Variants in SHROOM2 observed in about 807,000 individuals in gnomAD.
SHROOM2 encodes the protein shroom family member 2, also known as protein Shroom2.
In SHROOM2, 33 loss-of-function variants were observed where a neutral mutation model predicts 75.9. The ratio of observed to expected loss-of-function variants is 0.43; its 90% CI spans 0.33 to 0.58. SHROOM2 has a LOEUF of 0.58. SHROOM2 is among the 20% of genes least tolerant of loss of function. SHROOM2 has a pLI of 0.04. For missense variants in SHROOM2, 1,434 were observed against 1,461.2 expected, an observed-to-expected ratio of 0.98 and a Z score of 0.30; for synonymous variants, 655 against 663.6, an observed-to-expected ratio of 0.99 and a Z score of 0.20.
intron 1 of SHROOM2, among the ~76,000 whole-genome samples, chrX:9,823,333 C>A (rs1198785060): frequency 9.1e-6 from 1 of 109,372 alleles, no homozygotes; most frequent in Non-Finnish European, 1.9e-5. Context: ...GCCTTAAACT[C>A]CCAGGCTTAA....
chrX:9,848,510 CAAAAA>C (rs774991614), intron 1 of SHROOM2, among the ~76,000 whole-genome samples: 2 of 22,038 alleles, frequency 9.1e-5, no homozygotes, highest in Non-Finnish European at 1.7e-4. Flanking sequence ...GACTCCGTCT[CAAAAA>C]AAAAAAAAAA....
chrX:9,910,392 G>C (rs1046944496), intron 5 of SHROOM2, among the ~76,000 whole-genome samples: 8 of 111,307 alleles, frequency 7.2e-5, no homozygotes, highest in African/African-American at 2.3e-4. Flanking sequence ...CAATTTTTTA[G>C]TAAATCTAAA....
chrX:9,946,475 G>A (rs111352988), intron 9 of SHROOM2, among the ~76,000 whole-genome samples, 196 bp from the exon 10 acceptor site: 3 of 112,575 alleles, frequency 2.7e-5, no homozygotes, highest in South Asian at 7.2e-4. Flanking sequence ...AGGCTGGCCC[G>A]CTGCAACCAT....
intron 1 of SHROOM2, among the ~76,000 whole-genome samples, chrX:9,807,904 C>G (rs2083764123): frequency 2.7e-5 from 3 of 111,158 alleles, no homozygotes; most frequent in African/African-American, 6.5e-5. Context: ...AAGGGGAGGT[C>G]AGAGAGGGGC....
At chrX:9,917,478 G>A (rs768883497) in intron 5 of SHROOM2, among the ~76,000 whole-genome samples, 2 of 107,949 alleles carry the variant, frequency 1.9e-5, no homozygotes, top group African/African-American at 3.4e-5. Flanking sequence ...AGAGCTTCTC[G>A]GTCACCAGTT....
intron 1 of SHROOM2, among the ~76,000 whole-genome samples, chrX:9,848,226 C>T (rs1392635725): frequency 3.6e-5 from 4 of 111,011 alleles, no homozygotes; most frequent in Non-Finnish European, 1.9e-5. Context: ...AAAGCATGGC[C>T]GGGCGCGGTG....
intron 1 of SHROOM2, among the ~76,000 whole-genome samples, chrX:9,810,137 A>G (rs1052066131): frequency 8.9e-6 from 1 of 112,414 alleles, no homozygotes; most frequent in Non-Finnish European, 1.9e-5. Flanking sequence ...AGCTGGTCAC[A>G]TGGTTGTAGC....
intron 1 of SHROOM2, among the ~76,000 whole-genome samples, chrX:9,820,659 C>T (rs2083849015): frequency 8.9e-6 from 1 of 112,377 alleles, no homozygotes; most frequent in Non-Finnish European, 1.9e-5. Flanking sequence ...GCCACTGTAC[C>T]TGGCCTTCCT....
intron 1 of SHROOM2, among the ~76,000 whole-genome samples, chrX:9,831,377 A>C (rs187834092): frequency 0.014 from 1,581 of 112,146 alleles, 23 homozygotes; most frequent in African/African-American, 0.049. Flanking sequence ...AAGACCATAG[A>C]CCAGTTGACG....
At position 9,946,708 on chromosome X, in the gene SHROOM2, A is replaced by G; in HGVS notation, c.4622A>G (p.Gln1541Arg). 8.3e-7 allele frequency: 1 copy of G among 1,207,147 alleles called. No homozygotes were observed. The highest frequency in any genetic ancestry group is 1.1e-6 in the Non-Finnish European group (1 of 892,820). ...LLEKQRVLIQQHEDAKELKEN... is the reference protein window; with the variant it reads ...LLEKQRVLIQRHEDAKELKEN... ...GAGAAGCAGAGAGTCCTGATCCAGC[A>G]GCACGAGGACGCCAAGGAGCTCAAG... is the stretch of plus-strand genomic sequence containing the variant. The change falls in exon 10 of 10, where the codon CAG (glutamine) becomes CGG (arginine). Residue 1541 changes from glutamine (Q) to arginine (R), a missense_variant. Transcript: ENST00000380913.
intron 5 of SHROOM2, among the ~76,000 whole-genome samples, chrX:9,930,097 C>A (rs892168689): frequency 3.6e-5 from 4 of 111,386 alleles, no homozygotes; most frequent in African/African-American, 9.8e-5. Flanking sequence ...TAATACCTGG[C>A]GCTTTTAAAT....
intron 1 of SHROOM2, among the ~76,000 whole-genome samples, chrX:9,814,026 G>A (rs1046447756): frequency 2.7e-5 from 3 of 111,894 alleles, no homozygotes; most frequent in African/African-American, 9.7e-5. Context: ...AAAGATGCAG[G>A]TGCTGCCCTC....
chrX:9,925,245 C>T (rs756809199), intron 5 of SHROOM2, among the ~76,000 whole-genome samples: 10 of 111,756 alleles, frequency 8.9e-5, no homozygotes, highest in African/African-American at 2.0e-4. Context: ...GGTACTCGTT[C>T]GGGAGACTTG....
chrX:9,796,941 G>T (rs768452849), intron 1 of SHROOM2, among the ~76,000 whole-genome samples: 1 of 112,052 alleles, frequency 8.9e-6, no homozygotes, highest in East Asian at 2.8e-4. Flanking sequence ...CACTGTTCCT[G>T]GGCCAGAGTA....
At chrX:9,829,346 C>T (rs1351626455) in intron 1 of SHROOM2, among the ~76,000 whole-genome samples, 1 of 112,328 alleles carries the variant, frequency 8.9e-6, no homozygotes, top group Non-Finnish European at 1.9e-5. Context: ...TAGCTGTCGC[C>T]AGTCTACACA....
intron 8 of SHROOM2, 56 bp downstream of exon 8, chrX:9,939,422 C>A: frequency 9.8e-7 from 1 of 1,025,140 alleles, no homozygotes; most frequent in South Asian, 2.3e-5. Context: ...GGGCAGGCAT[C>A]CGGATCACAC....
chrX:9,914,020 ACTTTGTCC>A (rs2084459618), intron 5 of SHROOM2, among the ~76,000 whole-genome samples: 1 of 108,984 alleles, frequency 9.2e-6, no homozygotes. Context: ...AACATTTTAT[ACTTTGTCC>A]CTTTCTGTTT....
intron 2 of SHROOM2, among the ~76,000 whole-genome samples, chrX:9,876,172 T>G (rs1485911020): frequency 8.9e-6 from 1 of 112,556 alleles, no homozygotes; most frequent in Non-Finnish European, 1.9e-5. Context: ...AATAGAATTT[T>G]ATTTAAGTAG....
intron 1 of SHROOM2, among the ~76,000 whole-genome samples, chrX:9,844,652 A>C (rs1284107137): frequency 9.1e-6 from 1 of 110,332 alleles, no homozygotes; most frequent in Non-Finnish European, 1.9e-5. Flanking sequence ...GTCTCTACTA[A>C]AATTATAAAA....
Sources: gnomAD v4.1 joint callset for allele counts (sites outside exome capture counted in the v4.1 genomes callset) on GRCh38, gnomAD v4.1.1 for gene constraint, MANE v1.5 for transcripts, NCBI Gene and HGNC (gene_info 2026-07-23, HGNC 2026-07-21) for gene names.